Variants in PLAAT1 observed in about 807,000 individuals in gnomAD.
The protein encoded by PLAAT1 is H-REV107 protein-related protein.
In PLAAT1, 13 loss-of-function variants were observed where a neutral mutation model predicts 16.4. The observed-to-expected ratio is 0.79, with a 90% CI of 0.52 to 1.26. The LOEUF is 1.26. PLAAT1 is among the 50% of genes most tolerant of loss of function. The probability of loss-of-function intolerance (pLI) is 0.00; values close to 1 mark genes in which losing one functional copy is unlikely to be tolerated. For missense variants in PLAAT1, 218 were observed against 207.8 expected, an observed-to-expected ratio of 1.05 and a Z score of -0.30; for synonymous variants, 73 against 78.4, an observed-to-expected ratio of 0.93 and a Z score of 0.36.
At chr3:193,280,439 A>G (rs1008498113), downstream of PLAAT1, among the ~76,000 whole-genome samples, 1 of 152,182 alleles carries the variant, frequency 6.6e-6, no homozygotes, top group African/African-American at 2.4e-5. Context: ...AGTATGTATC[A>G]TATTCTGCTT....
downstream of PLAAT1, among the ~76,000 whole-genome samples, chr3:193,273,499 T>A (rs775030909): frequency 1.3e-5 from 2 of 152,208 alleles, no homozygotes; most frequent in African/African-American, 2.4e-5. Context: ...GTTGAAACAT[T>A]TATCATTCCT....
upstream of PLAAT1, chr3:193,241,173 C>T (rs1056046057): frequency 3.6e-5 from 44 of 1,208,504 alleles, no homozygotes; most frequent in Admixed American, 1.2e-3. Context: ...CGAGGTCTAG[C>T]CGGAGCGACT....
chr3:193,271,623 G>A (rs910682848), downstream of PLAAT1, among the ~76,000 whole-genome samples: 13 of 152,112 alleles, frequency 8.5e-5, no homozygotes, highest in Non-Finnish European at 1.6e-4. Context: ...CTCTAACCTA[G>A]GATTACATCA....
chr3:193,265,129 A>G (rs1275797375), intron 3 of PLAAT1, among the ~76,000 whole-genome samples: 1 of 152,206 alleles, frequency 6.6e-6, no homozygotes, highest in African/African-American at 2.4e-5. Context: ...GAATTACTGT[A>G]TGACTCAGCT....
chr3:193,251,603 G>A (rs1465849465), intron 1 of PLAAT1, among the ~76,000 whole-genome samples: 2 of 152,096 alleles, frequency 1.3e-5, no homozygotes, highest in Non-Finnish European at 2.9e-5. Flanking sequence ...CCCTTTTAAA[G>A]GGATGGTAAA....
At chr3:193,240,946 T>TTG (rs915178309), upstream of PLAAT1, among the ~76,000 whole-genome samples, 1 of 152,072 alleles carries the variant, frequency 6.6e-6, no homozygotes, top group African/African-American at 2.4e-5. Flanking sequence ...CCGCGGCGCC[T>TTG]AGCACAGCGC....
intron 1 of PLAAT1, among the ~76,000 whole-genome samples, chr3:193,247,753 T>G: frequency 6.6e-6 from 1 of 152,224 alleles, no homozygotes; most frequent in East Asian, 1.9e-4. Flanking sequence ...TTCCTCCTGT[T>G]ATTGATTTCT....
intron 3 of PLAAT1, among the ~76,000 whole-genome samples, chr3:193,267,664 T>C (rs1460403327): frequency 6.6e-6 from 1 of 152,226 alleles, no homozygotes; most frequent in Non-Finnish European, 1.5e-5. Flanking sequence ...ATAAAGCCTC[T>C]ATAAACCTCC....
intron 1 of PLAAT1, among the ~76,000 whole-genome samples, chr3:193,245,779 G>A (rs1187452779): frequency 6.6e-6 from 1 of 152,138 alleles, no homozygotes; most frequent in Non-Finnish European, 1.5e-5. Context: ...TTTCCCTGAT[G>A]ATTAGAGATG....
At chr3:193,255,919 C>G in intron 2 of PLAAT1, 130 bp downstream of exon 2, 1 of 833,940 alleles carries the variant, frequency 1.2e-6, no homozygotes, top group Non-Finnish European at 1.7e-6. Context: ...TCCAACTAAT[C>G]TAGGTTTAGA....
chr3:193,255,191 A>G (rs943256673), intron 1 of PLAAT1, among the ~76,000 whole-genome samples: 2 of 152,134 alleles, frequency 1.3e-5, no homozygotes, highest in South Asian at 2.1e-4. Context: ...ACCCTTTTTT[A>G]TATCCTTTAG....
At chr3:193,254,137 T>C (rs1716293282) in intron 1 of PLAAT1, among the ~76,000 whole-genome samples, 1 of 152,208 alleles carries the variant, frequency 6.6e-6, no homozygotes, top group African/African-American at 2.4e-5. Flanking sequence ...ACTTAATCGT[T>C]TTCATAAAGT....
In PLAAT1 at chr3:193,255,741, T is replaced by C. The variant is rs1295762587; in HGVS notation, c.91T>C (p.Trp31Arg). 3.7e-6 allele frequency: 6 copies of C among 1,613,060 alleles called. No homozygotes were observed. Among genetic ancestry groups the C allele is most frequent in the Non-Finnish European group, 5.1e-6 (6 of 1,179,454 alleles). Residue 31 changes from tryptophan (W) to arginine (R), a missense_variant, in exon 2 of 4, where the codon TGG becomes CGG. Coordinates refer to ENST00000264735, the MANE Select transcript of PLAAT1 (RefSeq NM_020386.5). Reference sequence around the variant, plus strand: ...AGTGTTCCGTCCTGGCTATCAGCACTGGGCCCTGTACTTGGGTGATGGTTA... The same window carrying C: ...AGTGTTCCGTCCTGGCTATCAGCACCGGGCCCTGTACTTGGGTGATGGTTA... ...IEVFRPGYQH[W>R]ALYLGDGYVI...
At chr3:193,264,724 A>G (rs889179349) in intron 3 of PLAAT1, among the ~76,000 whole-genome samples, 28 of 152,292 alleles carry the variant, frequency 1.8e-4, no homozygotes, top group African/African-American at 6.7e-4. Flanking sequence ...CATGTTGGCC[A>G]GGCTGGTCTC....
chr3:193,254,647 AT>A (rs1294494599), intron 1 of PLAAT1, among the ~76,000 whole-genome samples: 1 of 152,162 alleles, frequency 6.6e-6, no homozygotes, highest in Non-Finnish European at 1.5e-5. Flanking sequence ...CAAACTTAGA[AT>A]TTCAAACATG....
Position 193,263,020 on chromosome 3 carries a change from G to T in PLAAT1, c.190G>T (p.Ala64Ser), listed in dbSNP as rs775577047. ...CGCCAAGTCTGTATTCAGCAGTAAG[G>T]CCCTGGTGAAAATGCAGCTCTTGAA... ...TSAKSVFSSK[A>S]LVKMQLLKDV... The change falls in exon 3 of 4, where the codon GCC becomes TCC. Residue 64 changes from alanine (A) to serine (S), a missense_variant. Physicochemically the swap from Ala to Ser is moderately conservative, Grantham distance 99 (BLOSUM62 1). Transcript: ENST00000264735. The T allele has an allele frequency of 1.2e-6, 2 of 1,614,100 alleles. No individual in the cohort carries two copies. Among genetic ancestry groups the T allele is most frequent in the Non-Finnish European group, 1.7e-6 (2 of 1,179,984 alleles).
At chr3:193,275,583 A>AC (rs141138095), downstream of PLAAT1, among the ~76,000 whole-genome samples, 4,950 of 152,284 alleles carry the variant, frequency 0.033, 139 homozygotes, top group Non-Finnish European at 0.051. Flanking sequence ...TTCCCCTCAG[A>AC]CTGAAATGGT....
At chr3:193,259,189 T>C (rs1344060667) in intron 2 of PLAAT1, among the ~76,000 whole-genome samples, 1 of 152,024 alleles carries the variant, frequency 6.6e-6, no homozygotes, top group Non-Finnish European at 1.5e-5. Flanking sequence ...AAACACAACA[T>C]CCCTTCATGT....
intron 1 of PLAAT1, among the ~76,000 whole-genome samples, chr3:193,245,063 A>T (rs1208318994): frequency 6.6e-6 from 1 of 152,220 alleles, no homozygotes; most frequent in Non-Finnish European, 1.5e-5. Context: ...GAATGTTAAA[A>T]ATCTGTTTTA....
Sources: allele counts gnomAD v4.1 joint callset (sites outside exome capture counted in the v4.1 genomes callset), GRCh38; gene constraint gnomAD v4.1.1; transcripts MANE v1.5; gene names NCBI Gene and HGNC (gene_info 2026-07-23, HGNC 2026-07-21).